The following BRCA1 variants were observed in gnomAD, a reference collection of about 807,000 sequenced individuals.
BRCA1 encodes BRCA1 DNA repair associated, also known as breast cancer type 1 susceptibility protein.
Under a neutral mutation model 173.7 loss-of-function variants are expected in BRCA1, and 140 were observed. That is an observed-to-expected ratio of 0.81 (90% CI 0.70 to 0.93). BRCA1 has a LOEUF of 0.93. Among genes scored for constraint, BRCA1 ranks in the 40% least tolerant of loss-of-function variants. The pLI, the probability that BRCA1 is intolerant of heterozygous loss-of-function variation, is 0.00. For synonymous variants in BRCA1, 662 were observed against 756.0 expected, an observed-to-expected ratio of 0.88 and a Z score of 2.04; for missense variants, 1,983 against 2,172.5, an observed-to-expected ratio of 0.91 and a Z score of 1.73.
At chr17:43,099,021 C>T (rs1314546493) in intron 7 of BRCA1, among the ~76,000 whole-genome samples, 7 of 148,874 alleles carry the variant, frequency 4.7e-5, no homozygotes, top group Admixed American at 4.7e-4. Context: ...TGGGGTTTCT[C>T]CATGTTGGTC....
intron 20 of BRCA1, chr17:43,050,334 C>A: frequency 2.7e-6 from 1 of 364,168 alleles, no homozygotes; most frequent in Non-Finnish European, 4.9e-6. Flanking sequence ...GAGGGCTGGG[C>A]ACAGTGGCTC....
At chr17:43,145,180 G>T (rs1324327009) in intron 1 of BRCA1, 2 of 708,734 alleles carry the variant, frequency 2.8e-6, no homozygotes, top group East Asian at 3.0e-5. Context: ...AGATTTACCT[G>T]CAGAAAACAG....
chr17:43,162,759 G>A (rs2056244329), intron 1 of BRCA1: 1 of 152,134 alleles, frequency 6.6e-6, no homozygotes, highest in African/African-American at 2.4e-5. Context: ...TCGGCCGTGC[G>A]TGGACCAGTC....
rs41293453 is a variant in BRCA1, at chr17:43,082,516, T to C, written c.4245A>G (p.Glu1415=). ...GGCTCCCATGCTGTTCTAACACAGC[T>C]TCTAGTTCAGCCATTTCCTGCTGGA... is the stretch of plus-strand genomic sequence containing the variant. ...IKLQQEMAEL[E]AVLEQHGSQP... The change falls in exon 12 of 23, where the codon GAA becomes GAG. Residue 1415 remains glutamate, a synonymous_variant. Transcript: ENST00000357654. 5.1e-5 allele frequency: 82 copies of C among 1,614,090 alleles called. No homozygotes were observed. Among genetic ancestry groups the C allele is most frequent in the Non-Finnish European group, 6.8e-5 (80 of 1,180,032 alleles).
chr17:43,166,915 G>A (rs4793215), intron 1 of BRCA1: 45,662 of 151,796 alleles, frequency 0.3, 7,424 homozygotes, highest in South Asian at 0.49. Context: ...ATAAAGGCAC[G>A]CCATGGGTGA....
chr17:43,053,247 TAGA>T (rs1207738061), intron 19 of BRCA1, among the ~76,000 whole-genome samples: 2 of 152,102 alleles, frequency 1.3e-5, no homozygotes, highest in Non-Finnish European at 2.9e-5. Flanking sequence ...CTCATAATGC[TAGA>T]AGTTCTCCCC....
chr17:43,086,133 C>T (rs2053222725), intron 11 of BRCA1, among the ~76,000 whole-genome samples: 1 of 151,612 alleles, frequency 6.6e-6, no homozygotes, highest in African/African-American at 2.4e-5. Flanking sequence ...CACACACACA[C>T]ACACACACAC....
At position 43,093,323 on chromosome 17, in the gene BRCA1, T is replaced by C. The variant is rs2154393302; in HGVS notation, c.2208A>G (p.Glu736=). The stretch of plus-strand genomic sequence containing the variant: ...CAGCATTATTAGACACTTTAACTGT[T>C]TCTAGTTTCTCTTCTTTTTCTTCTC... ...LPREEKEEKL[E]TVKVSNNAED... is the part of the protein sequence containing the mutation. Residue 736 remains glutamate, a synonymous_variant, in exon 10 of 23, where the codon GAA becomes GAG. Transcript: ENST00000357654. The C allele has an allele frequency of 6.2e-7, 1 of 1,613,620 alleles. No individual in the cohort carries two copies.
At chr17:43,157,389 T>A (rs1297005228) in intron 1 of BRCA1, among the ~76,000 whole-genome samples, 1 of 152,126 alleles carries the variant, frequency 6.6e-6, no homozygotes, top group Non-Finnish European at 1.5e-5. Flanking sequence ...TACATATGAG[T>A]CTAAAAAACC....
chr17:43,166,676 C>T (rs1208415909), intron 1 of BRCA1: 1 of 152,228 alleles, frequency 6.6e-6, no homozygotes, highest in Non-Finnish European at 1.5e-5. Flanking sequence ...AAAAAGGGCG[C>T]ACACACAGTT....
intron 2 of BRCA1, among the ~76,000 whole-genome samples, chr17:43,118,908 C>T (rs556189797): frequency 4.6e-5 from 7 of 152,062 alleles, no homozygotes; most frequent in East Asian, 1.9e-4. Context: ...GGACTACAGG[C>T]GCGTGCTGCC....
intron 1 of BRCA1, chr17:43,145,095 A>G (rs1285617672): frequency 1.3e-6 from 1 of 765,716 alleles, no homozygotes; most frequent in Non-Finnish European, 2.4e-6. Context: ...AAATTTTCAG[A>G]CACAAAAGTG....
chr17:43,052,361 G>A (rs1042007148), intron 19 of BRCA1, among the ~76,000 whole-genome samples: 1 of 151,926 alleles, frequency 6.6e-6, no homozygotes, highest in Admixed American at 6.6e-5. Context: ...GCTTGCTGCA[G>A]TATTGAACTT....
upstream of BRCA1, among the ~76,000 whole-genome samples, chr17:43,127,033 C>T (rs1013306648): frequency 1.3e-5 from 2 of 152,222 alleles, no homozygotes; most frequent in Non-Finnish European, 2.9e-5. Context: ...CTTGAATTCT[C>T]ACCGGGCCCC....
intron 1 of BRCA1, among the ~76,000 whole-genome samples, chr17:43,158,277 G>GTT (rs1296623443): frequency 1.3e-5 from 2 of 152,166 alleles, no homozygotes; most frequent in East Asian, 3.8e-4. Flanking sequence ...TCATGAGTAA[G>GTT]TTGTGCTTTT....
chr17:43,072,875 G>GTTT (rs533819030), intron 14 of BRCA1, among the ~76,000 whole-genome samples: 10 of 142,904 alleles, frequency 7.0e-5, no homozygotes, highest in African/African-American at 1.5e-4. Flanking sequence ...GCCCCAGCTA[G>GTTT]TTTTTTTTTT....
intron 2 of BRCA1, among the ~76,000 whole-genome samples, chr17:43,118,372 TTTTTAA>T (rs1202543498): frequency 1.3e-5 from 2 of 152,154 alleles, no homozygotes; most frequent in Non-Finnish European, 2.9e-5. Context: ...TATTCTGGTC[TTTTTAA>T]TTTTCTTTTT....
chr17:43,093,581 T>A lies in BRCA1; in HGVS notation c.1950A>T (p.Ile650=), dbSNP rs1060504579. The A allele has an allele frequency of 6.2e-7, 1 of 1,614,058 alleles. No homozygotes were observed. Among genetic ancestry groups the A allele is most frequent in the Admixed American group, 1.7e-5 (1 of 60,006 alleles). The part of the protein sequence containing the change: ...QIDSCSSSEE[I]KKKKYNQMPV... ...GCATTTGGTTGTACTTTTTTTTCTT[T>A]ATCTCTTCACTGCTAGAACAACTAT... Residue 650 remains isoleucine, a synonymous_variant, in exon 10 of 23, where the codon ATA becomes ATT. Transcript: ENST00000357654.
intron 1 of BRCA1, chr17:43,166,661 C>T (rs2056270443): frequency 6.6e-6 from 1 of 152,154 alleles, no homozygotes; most frequent in South Asian, 2.1e-4. Context: ...AAACAAAGAA[C>T]CGGTAAAAAG....
Sources: gnomAD v4.1 joint callset for allele counts (sites outside exome capture counted in the v4.1 genomes callset) on GRCh38, gnomAD v4.1.1 for gene constraint, MANE v1.5 for transcripts, NCBI Gene and HGNC (gene_info 2026-07-23, HGNC 2026-07-21) for gene names.